PTPRN2: variants seen among roughly 807,000 people sequenced by gnomAD.
PTPRN2 encodes the protein protein tyrosine phosphatase receptor type N2.
A neutral mutation model predicts 118.8 loss-of-function variants in PTPRN2; 74 were observed. The observed-to-expected ratio is 0.62, with a 90% confidence interval of 0.52 to 0.76. The LOEUF is 0.76. Ranked by LOEUF, PTPRN2 falls within the 30% of genes least tolerant of loss-of-function variation. The pLI is 0.00. For missense variants in PTPRN2, 1,481 were observed against 1,394.4 expected (o/e 1.06, Z -0.99); for synonymous variants, 641 against 608.0 (o/e 1.05, Z -0.80).
intron 12 of PTPRN2, among the ~76,000 whole-genome samples, chr7:157,696,756 C>T (rs1257469956): frequency 6.8e-6 from 1 of 148,014 alleles, no homozygotes; most frequent in African/African-American, 2.5e-5. Flanking sequence ...CATACTGGAT[C>T]TTGGCAGAGC....
chr7:157,566,779 G>A (rs1315274613), intron 21 of PTPRN2, among the ~76,000 whole-genome samples: 1 of 152,200 alleles, frequency 6.6e-6, no homozygotes, highest in Non-Finnish European at 1.5e-5. Flanking sequence ...TCGAACCCAG[G>A]ACATACTTCT....
chr7:158,583,153 T>G (rs951629814), intron 1 of PTPRN2, among the ~76,000 whole-genome samples: 10 of 152,146 alleles, frequency 6.6e-5, no homozygotes, highest in African/African-American at 2.4e-4. Context: ...CATCCAAAAA[T>G]TAGGTAATCC....
intron 2 of PTPRN2, among the ~76,000 whole-genome samples, chr7:158,392,194 C>G (rs954965451): frequency 2.0e-5 from 3 of 152,230 alleles, no homozygotes; most frequent in Non-Finnish European, 2.9e-5. Flanking sequence ...TGTCCATCCT[C>G]AGGGTGAGGA....
chr7:158,276,437 C>T (rs1798999301), intron 3 of PTPRN2, among the ~76,000 whole-genome samples: 1 of 133,776 alleles, frequency 7.5e-6, no homozygotes, highest in African/African-American at 2.8e-5. Flanking sequence ...AAGGCAGCAC[C>T]CCCACACCCC....
chr7:158,311,909 ACACACCTG>A (rs1259520181), intron 3 of PTPRN2, among the ~76,000 whole-genome samples: 12 of 146,718 alleles, frequency 8.2e-5, no homozygotes, highest in African/African-American at 3.3e-4. Flanking sequence ...CCACACACGC[ACACACCTG>A]CACACACATG....
intron 6 of PTPRN2, among the ~76,000 whole-genome samples, chr7:158,162,492 C>T (rs1180160392): frequency 6.6e-6 from 1 of 152,144 alleles, no homozygotes; most frequent in Admixed American, 6.5e-5. Context: ...TGTGACCCAT[C>T]TGAAAAGGCC....
Position 157,568,882 on chromosome 7 carries a change from C to A in PTPRN2, c.2902+20G>T, listed in dbSNP as rs770391264. 6.5e-7 allele frequency: 1 copy of A among 1,537,426 alleles called. No individual in the cohort carries two copies. Among genetic ancestry groups the A allele is most frequent in the African/African-American group, 1.4e-5 (1 of 73,148 alleles). ...ATCCCAGCTCTGAGCCGCAACAAAG[C>A]GGCAGTGTCTGTGTCTCACCTTTGG... On this transcript the variant is annotated intron_variant, in intron 21 of 22. Coordinates refer to ENST00000389418, the MANE Select transcript of PTPRN2 (RefSeq NM_002847.5).
At chr7:157,696,486 G>A (rs570507247) in intron 12 of PTPRN2, among the ~76,000 whole-genome samples, 49 of 83,402 alleles carry the variant, frequency 5.9e-4, no homozygotes, top group Admixed American at 9.2e-4. Context: ...ACTGGATCTT[G>A]GCAGAGCCCT....
intron 12 of PTPRN2, among the ~76,000 whole-genome samples, chr7:157,713,796 G>C (rs1798770467): frequency 1.3e-5 from 2 of 152,186 alleles, no homozygotes; most frequent in Non-Finnish European, 1.5e-5. Flanking sequence ...CACAGAACTG[G>C]TCTGGACATG....
intron 11 of PTPRN2, among the ~76,000 whole-genome samples, chr7:158,047,346 T>C (rs985324551): frequency 6.6e-6 from 1 of 152,200 alleles, no homozygotes; most frequent in Non-Finnish European, 1.5e-5. Context: ...CTCAGGAGAA[T>C]AAACAAGGAG....
chr7:158,310,129 G>C (rs997252875), intron 3 of PTPRN2, among the ~76,000 whole-genome samples: 4 of 152,182 alleles, frequency 2.6e-5, no homozygotes, highest in African/African-American at 9.6e-5. Context: ...ACTCGAACAA[G>C]AGAAAAATTG....
intron 3 of PTPRN2, among the ~76,000 whole-genome samples, chr7:158,212,545 T>C (rs528910880): frequency 6.6e-6 from 1 of 152,160 alleles, no homozygotes; most frequent in South Asian, 2.1e-4. Context: ...ATTAAAAAAA[T>C]AGACTTAATG....
chr7:157,841,528 C>A (rs10279564), intron 12 of PTPRN2, among the ~76,000 whole-genome samples: 7,003 of 151,896 alleles, frequency 0.046, 371 homozygotes, highest in East Asian at 0.22. Flanking sequence ...TAGTCTTAAA[C>A]ACACACACAA....
intron 12 of PTPRN2, among the ~76,000 whole-genome samples, chr7:157,782,394 T>C (rs1161287764): frequency 6.6e-6 from 1 of 152,186 alleles, no homozygotes; most frequent in Admixed American, 6.5e-5. Context: ...GGAGGGCCGG[T>C]TTGGCCCCAG....
intron 21 of PTPRN2, among the ~76,000 whole-genome samples, chr7:157,552,367 G>A (rs879489420): frequency 2.0e-5 from 3 of 152,094 alleles, no homozygotes; most frequent in Non-Finnish European, 2.9e-5. Flanking sequence ...CGTGCAAAGC[G>A]GCTGGCCGTG....
intron 2 of PTPRN2, among the ~76,000 whole-genome samples, chr7:158,351,928 T>A (rs112416923): frequency 0.018 from 973 of 54,444 alleles, 19 homozygotes; most frequent in African/African-American, 0.049. Flanking sequence ...TCCCCTCCTG[T>A]CCGCTCCCCT....
At chr7:157,633,699 G>A (rs1563285115) in intron 14 of PTPRN2, among the ~76,000 whole-genome samples, 1 of 152,130 alleles carries the variant, frequency 6.6e-6, no homozygotes, top group Non-Finnish European at 1.5e-5. Context: ...CTACAGGGAA[G>A]GGCAGTGAAG....
chr7:158,079,284 A>G (rs1812615014), intron 11 of PTPRN2, among the ~76,000 whole-genome samples: 1 of 152,200 alleles, frequency 6.6e-6, no homozygotes, highest in South Asian at 2.1e-4. Flanking sequence ...CAGCCACAGG[A>G]GTTAACATGG....
chr7:158,312,691 C>A (rs1235961113), intron 3 of PTPRN2, among the ~76,000 whole-genome samples: 11 of 138,838 alleles, frequency 7.9e-5, no homozygotes. Flanking sequence ...GCATGCACAC[C>A]TGCACACTCA....
Sources: gnomAD v4.1 joint callset for allele counts (sites outside exome capture counted in the v4.1 genomes callset) on GRCh38, gnomAD v4.1.1 for gene constraint, MANE v1.5 for transcripts, NCBI Gene and HGNC (gene_info 2026-07-23, HGNC 2026-07-21) for gene names.